CCDC32: variants seen among roughly 807,000 people sequenced by gnomAD.
CCDC32 encodes coiled-coil domain containing 32.
In CCDC32, 9 loss-of-function variants were observed where a neutral mutation model predicts 20.1. The ratio of observed to expected loss-of-function variants is 0.45; its 90% confidence interval spans 0.27 to 0.78. CCDC32 has a LOEUF of 0.78. Among genes scored for constraint, CCDC32 ranks in the 30% least tolerant of loss-of-function variants. CCDC32 has a pLI of 0.16. For synonymous variants in CCDC32, 63 were observed against 79.0 expected (o/e 0.80, Z 1.07); for missense variants, 204 against 215.5 (o/e 0.95, Z 0.33).
intron 3 of CCDC32, among the ~76,000 whole-genome samples, chr15:40,542,794 G>A (rs1321975762): frequency 3.9e-5 from 6 of 151,928 alleles, no homozygotes; most frequent in South Asian, 2.1e-4. Context: ...GTGTGAACCC[G>A]GGAGCAGAGG....
In CCDC32 at chr15:40,553,139, A is replaced by G. The variant is rs1014633396; in HGVS notation, c.*832T>C. The stretch of plus-strand genomic sequence containing the variant: ...TTTTATATGGAAACACATACTGATC[A>G]TGAACACAATAAACAGGGAGGGAAG... On this transcript the variant is annotated 3_prime_UTR_variant, in exon 4 of 4. Coordinates refer to ENST00000416810, the MANE Select transcript of CCDC32 (RefSeq NM_001080792.4). 1 of 985,480 alleles carries G rather than the reference A, an allele frequency of 1.0e-6. No individual in the cohort carries two copies. The highest frequency in any genetic ancestry group is 1.7e-5 in the African/African-American group (1 of 57,364). The allele number at this position is 985,480 out of a possible 1,614,324, so 61.0% of individuals were successfully genotyped here.
At chr15:40,528,582 C>G (rs925677953), downstream of CCDC32, 3 of 595,708 alleles carry the variant, frequency 5.0e-6, no homozygotes, top group African/African-American at 5.6e-5. Context: ...AGTCCAGGGC[C>G]CTCAAATCCA....
At chr15:40,555,398 A>G (rs1890168523) in intron 3 of CCDC32, among the ~76,000 whole-genome samples, 1 of 152,204 alleles carries the variant, frequency 6.6e-6, no homozygotes, top group Non-Finnish European at 1.5e-5. Flanking sequence ...CTACTTGAAA[A>G]TGACACAGGA....
intron 3 of CCDC32, among the ~76,000 whole-genome samples, chr15:40,540,189 G>A (rs1251270900): frequency 1.3e-5 from 2 of 152,112 alleles, no homozygotes; most frequent in African/African-American, 4.8e-5. Flanking sequence ...GCAATCCAGA[G>A]GAGTGGTAAC....
intron 3 of CCDC32, among the ~76,000 whole-genome samples, chr15:40,529,324 A>G (rs189516229): frequency 1.3e-5 from 2 of 152,224 alleles, no homozygotes; most frequent in African/African-American, 4.8e-5. Flanking sequence ...ACAGGAAAAG[A>G]GCACACCTTT....
chr15:40,561,826 A>G (rs762708043), intron 2 of CCDC32, among the ~76,000 whole-genome samples: 7 of 151,730 alleles, frequency 4.6e-5, no homozygotes, highest in Non-Finnish European at 7.4e-5. Flanking sequence ...TTGTTCCACA[A>G]TAAAAGGATA....
chr15:40,555,540 A>C (rs1194218883), intron 3 of CCDC32, among the ~76,000 whole-genome samples: 1 of 152,210 alleles, frequency 6.6e-6, no homozygotes, highest in Non-Finnish European at 1.5e-5. Flanking sequence ...GAGCAATTTA[A>C]GACTTAATTA....
Position 40,565,024 on chromosome 15 carries a change from C to A in CCDC32, c.-61G>T, listed in dbSNP as rs1443056077. On this transcript the variant is annotated 5_prime_UTR_variant, in exon 1 of 4. Transcript: ENST00000416810. ...TTGGCTCAGCTCTGTCGCCTGTAGC[C>A]CGGAGGAAATCGGGAGGGGCGGAGT... 5.3e-6 allele frequency: 3 copies of A among 560,856 alleles called. No individual in the cohort carries two copies. The highest frequency in any genetic ancestry group is 1.9e-5 in the African/African-American group (1 of 53,538). 34.7% of individuals were successfully genotyped at this position (560,856 alleles called of 1,614,324 possible).
At chr15:40,523,762 C>T (rs1894863009), downstream of CCDC32, among the ~76,000 whole-genome samples, 2 of 152,110 alleles carry the variant, frequency 1.3e-5, no homozygotes, top group African/African-American at 4.8e-5. Context: ...AAATACACAC[C>T]CACCAGAATG....
intron 1 of CCDC32, among the ~76,000 whole-genome samples, chr15:40,563,804 G>GTT (rs1159374532): frequency 6.9e-6 from 1 of 144,574 alleles, no homozygotes; most frequent in African/African-American, 2.5e-5. Context: ...ATTAAATTCT[G>GTT]TTTTTTTTTC....
At chr15:40,545,307 C>G (rs1889569736) in intron 3 of CCDC32, among the ~76,000 whole-genome samples, 1 of 152,166 alleles carries the variant, frequency 6.6e-6, no homozygotes, top group Admixed American at 6.5e-5. Flanking sequence ...CATAAACTCT[C>G]AGTAACCTAT....
the CCDC32 span, among the ~76,000 whole-genome samples, chr15:40,522,021 G>T: frequency 5.3e-3 from 813 of 152,044 alleles, 10 homozygotes; most frequent in Middle Eastern, 0.041. Flanking sequence ...CCATACCAAG[G>T]TCACAAATAT....
chr15:40,561,485 CA>C (rs1241223418), intron 2 of CCDC32, among the ~76,000 whole-genome samples: 2 of 145,700 alleles, frequency 1.4e-5, no homozygotes, highest in Middle Eastern at 3.2e-3. Context: ...AAAAAAAAAA[CA>C]AAACAACAAC....
chr15:40,532,119 A>C, downstream of CCDC32: 1 of 535,474 alleles, frequency 1.9e-6, no homozygotes, highest in East Asian at 3.0e-5. Flanking sequence ...TTCTCGCTCA[A>C]GGTGTTCACT....
At position 40,557,210 on chromosome 15, in the gene CCDC32, G is replaced by A. The variant is rs1465701767; in HGVS notation, c.401+6C>T. Reference sequence around the variant, plus strand: ...TTCAGCTGGAACTAGACGGGGAATCGATTACCTCTCATCAGAATCAAGTCC... The same window carrying A: ...TTCAGCTGGAACTAGACGGGGAATCAATTACCTCTCATCAGAATCAAGTCC... On this transcript the variant is annotated splice_donor_region_variant and intron_variant, in intron 3 of 3. Coordinates refer to ENST00000416810, the MANE Select transcript of CCDC32 (RefSeq NM_001080792.4). 8 of 1,607,068 alleles carry A rather than the reference G, an allele frequency of 5.0e-6. No individual in the cohort carries two copies. Among genetic ancestry groups the A allele is most frequent in the African/African-American group, 1.3e-5 (1 of 74,572 alleles).
At chr15:40,549,850 T>C (rs572491464), downstream of CCDC32, among the ~76,000 whole-genome samples, 2 of 152,338 alleles carry the variant, frequency 1.3e-5, no homozygotes, top group African/African-American at 4.8e-5. Flanking sequence ...GCCTGCTTCA[T>C]GTGGCTGGGG....
At chr15:40,552,771 C>CAAAAAAAAAAAA (rs10675441), downstream of CCDC32, 38 of 68,818 alleles carry the variant, frequency 5.5e-4, 12 homozygotes, top group African/African-American at 7.8e-4. Context: ...AGTGCGACCT[C>CAAAAAAAAAAAA]AAAAAAAAAA....
rs146673104 is a variant in CCDC32 at position 40,562,831 on chromosome 15, T to C, written c.185A>G (p.Gln62Arg). ...GGGAGCCCAAGGCTTTACAGCTGGC[T>C]GGACAGCAAAGTCAGCCACCTCCCT... ...GQREVADFAVQPAVKPWAPLQ... is the reference protein window; with the variant it reads ...GQREVADFAVRPAVKPWAPLQ... Residue 62 changes from glutamine (Q) to arginine (R), a missense_variant, in exon 2 of 4, where the codon CAG becomes CGG. Physicochemically the swap from Gln to Arg is conservative, Grantham distance 43. Coordinates refer to ENST00000416810, the MANE Select transcript of CCDC32 (RefSeq NM_001080792.4). The C allele has an allele frequency of 6.2e-7, 1 of 1,614,134 alleles. No individual in the cohort carries two copies. The highest frequency in any genetic ancestry group is 1.3e-5 in the African/African-American group (1 of 74,946).
downstream of CCDC32, among the ~76,000 whole-genome samples, chr15:40,527,147 C>T (rs1191368279): frequency 6.6e-6 from 1 of 151,430 alleles, no homozygotes; most frequent in Non-Finnish European, 1.5e-5. Context: ...GACAGGCTTT[C>T]ACTGTGTTGC....
Sources: gnomAD v4.1 joint callset for allele counts (sites outside exome capture counted in the v4.1 genomes callset) on GRCh38, gnomAD v4.1.1 for gene constraint, MANE v1.5 for transcripts, NCBI Gene and HGNC (gene_info 2026-07-23, HGNC 2026-07-21) for gene names.